Variants in NEDD1 observed in about 807,000 individuals in gnomAD.
The protein encoded by NEDD1 is NEDD1 gamma-tubulin ring complex targeting factor, also known as protein NEDD1.
In NEDD1, 33 loss-of-function variants were observed where a neutral mutation model predicts 74.0. The ratio of observed to expected loss-of-function variants is 0.45; its 90% confidence interval spans 0.34 to 0.60. The LOEUF is 0.60. NEDD1 is among the 20% of genes least tolerant of loss of function. The pLI, the probability that NEDD1 is intolerant of heterozygous loss-of-function variation, is 0.01. For synonymous variants in NEDD1, 250 were observed against 264.4 expected, an observed-to-expected ratio of 0.95 and a Z score of 0.53; for missense variants, 746 against 776.5, an observed-to-expected ratio of 0.96 and a Z score of 0.47.
rs74497074 is a variant in NEDD1, at chr12:96,917,617, A to G, written c.232-4A>G. 2 of 1,494,998 alleles carry G rather than the reference A, an allele frequency of 1.3e-6. No individual in the cohort carries two copies. The highest frequency in any genetic ancestry group is 2.5e-5 in the East Asian group (1 of 40,028). The allele number at this position is 1,494,998 out of a possible 1,614,324, so 92.6% of individuals were successfully genotyped here. A position where few individuals can be genotyped will look rare whatever the true frequency, so the allele number is the denominator to read the frequency against. ...AGGTAACTTTTTTTTTTTTTTTTAA[A>G]TAGCAAAAGCAGACATGTGTCAATT... On this transcript the variant is annotated splice_polypyrimidine_tract_variant and splice_region_variant and intron_variant, in intron 4 of 15. Transcript: ENST00000266742.
At chr12:96,919,799 T>C (rs1045774671) in intron 5 of NEDD1, among the ~76,000 whole-genome samples, 186 bp from the exon 6 acceptor site, 4 of 152,148 alleles carry the variant, frequency 2.6e-5, no homozygotes, top group African/African-American at 4.8e-5. Flanking sequence ...GTCCATAATC[T>C]CTCTCTCTCG....
Position 96,942,570 on chromosome 12 carries a change from G to C in NEDD1, c.1247-7G>C. 7.0e-7 allele frequency: 1 copy of C among 1,427,870 alleles called. No homozygotes were observed. The highest frequency in any genetic ancestry group is 9.9e-7 in the Non-Finnish European group (1 of 1,014,526). The allele number at this position is 1,427,870 out of a possible 1,614,324, so 88.5% of individuals were successfully genotyped here. A position where few individuals can be genotyped will look rare whatever the true frequency, so the allele number is the denominator to read the frequency against. On this transcript the variant is annotated splice_region_variant and splice_polypyrimidine_tract_variant and intron_variant, in intron 10 of 15. Coordinates refer to ENST00000266742, the MANE Select transcript of NEDD1 (RefSeq NM_152905.4). ...GTTTTAAAATTTGATTTTCTAATTT[G>C]TTATAGATGCTGTAGTTAACAAGGG... is the stretch of plus-strand genomic sequence containing the variant.
chr12:96,911,277 T>C (rs1386684270), intron 3 of NEDD1, among the ~76,000 whole-genome samples: 2 of 152,250 alleles, frequency 1.3e-5, no homozygotes, highest in Non-Finnish European at 2.9e-5. Context: ...GGTTGACTTT[T>C]GTTTTAAGTT....
chr12:96,946,049 A>G (rs895354361), intron 14 of NEDD1, among the ~76,000 whole-genome samples, 200 bp downstream of exon 14: 6 of 152,122 alleles, frequency 3.9e-5, no homozygotes, highest in Non-Finnish European at 5.9e-5. Context: ...ACATTTACCT[A>G]GGGCAATTAT....
At chr12:96,951,889 TA>T in intron 15 of NEDD1, 59 bp from the exon 16 acceptor site, 2 of 894,620 alleles carry the variant, frequency 2.2e-6, no homozygotes, top group South Asian at 1.4e-5. Context: ...ATATTAAACA[TA>T]GCCTGCCAAA....
chr12:96,948,106 T>C (rs1878371536), intron 14 of NEDD1, among the ~76,000 whole-genome samples: 2 of 152,166 alleles, frequency 1.3e-5, no homozygotes, highest in Admixed American at 1.3e-4. Context: ...CATCCTCCCG[T>C]GGCTGCCATC....
chr12:96,924,625 AAC>A (rs1372977465), intron 6 of NEDD1, among the ~76,000 whole-genome samples: 1 of 152,180 alleles, frequency 6.6e-6, no homozygotes, highest in Non-Finnish European at 1.5e-5. Context: ...TGTAGAGAGA[AAC>A]ACAGTTCATA....
chr12:96,910,361 C>A (rs1247345416), intron 3 of NEDD1, among the ~76,000 whole-genome samples: 1 of 152,192 alleles, frequency 6.6e-6, no homozygotes, highest in Non-Finnish European at 1.5e-5. Context: ...TGCCCAATAT[C>A]TCCATCTTAC....
At chr12:96,927,055 A>T (rs1007918754) in intron 6 of NEDD1, among the ~76,000 whole-genome samples, 9 of 152,104 alleles carry the variant, frequency 5.9e-5, no homozygotes, top group Non-Finnish European at 1.3e-4. Flanking sequence ...AAAAATTTCA[A>T]ATCTGTCAAA....
chr12:96,936,086 G>A (rs1302238989), intron 7 of NEDD1, among the ~76,000 whole-genome samples: 2 of 152,150 alleles, frequency 1.3e-5, no homozygotes, highest in African/African-American at 4.8e-5. Flanking sequence ...ATCACCATCC[G>A]TATTTCTTTA....
chr12:96,921,669 T>TTC (rs1002588640), intron 6 of NEDD1, among the ~76,000 whole-genome samples: 10 of 151,852 alleles, frequency 6.6e-5, no homozygotes, highest in African/African-American at 2.4e-4. Flanking sequence ...GGGATTTTTT[T>TTC]TTTTCTTTCT....
At chr12:96,944,847 C>G (rs1362890073) in intron 13 of NEDD1, 52 bp downstream of exon 13, 2 of 1,305,798 alleles carry the variant, frequency 1.5e-6, no homozygotes, top group African/African-American at 1.5e-5. Flanking sequence ...GAAAAATCAT[C>G]CCCATTATTT....
intron 5 of NEDD1, among the ~76,000 whole-genome samples, chr12:96,919,749 A>T (rs2136529601): frequency 6.6e-6 from 1 of 152,318 alleles, no homozygotes; most frequent in South Asian, 2.1e-4. Flanking sequence ...GAGGAAGTGA[A>T]TTCTTTAAGG....
In NEDD1 at chr12:96,942,610, T is replaced by A; in HGVS notation, c.1280T>A (p.Ile427Lys). 1 of 1,519,538 alleles carries A rather than the reference T, an allele frequency of 6.6e-7. No homozygotes were observed. Among genetic ancestry groups the A allele is most frequent in the Non-Finnish European group, 9.1e-7 (1 of 1,095,436 alleles). The allele number at this position is 1,519,538 out of a possible 1,614,324, so 94.1% of individuals were successfully genotyped here. Residue 427 changes from isoleucine (I) to lysine (K), a missense_variant, in exon 11 of 16, where the codon ATA becomes AAA. By Grantham distance (102) the Ile-to-Lys change is moderately radical. Around this residue, in one of 3 missense-constraint regions of NEDD1, gnomAD observed 706 missense variants for 706.7 expected, o/e 1.00. Coordinates refer to ENST00000266742, the MANE Select transcript of NEDD1 (RefSeq NM_152905.4). The stretch of plus-strand genomic sequence containing the variant: ...GTTAACAAGGGAAGTGATGAGTCCA[T>A]AGGCAAAGGAGATGGTAAGAACTAC... ...AVVNKGSDES[I>K]GKGDGFDFLP...
rs1158114872 is a variant in NEDD1, at chr12:96,937,360, G to C, written c.1084G>C (p.Gly362Arg). The change falls in exon 9 of 16, where the codon GGG becomes CGG. Residue 362 changes from glycine (G) to arginine (R), a missense_variant. Coordinates refer to ENST00000266742, the MANE Select transcript of NEDD1 (RefSeq NM_152905.4). Reference sequence around the variant, plus strand: ...ACCACAACCTATGACATCAGCTATGGGGAAAGGAACAGTTGCTGTTCAAGA... The same window carrying C: ...ACCACAACCTATGACATCAGCTATGCGGAAAGGAACAGTTGCTGTTCAAGA... The part of the protein sequence containing the change: ...VLPQPMTSAM[G>R]KGTVAVQEKA... 4 of 1,608,054 alleles carry C rather than the reference G, an allele frequency of 2.5e-6. No individual in the cohort carries two copies. The highest frequency in any genetic ancestry group is 2.5e-6 in the Non-Finnish European group (3 of 1,177,008).
Position 96,939,548 on chromosome 12 carries a change from T to A in NEDD1, c.1118-861T>A, listed in dbSNP as rs11830956. 7.2e-3 allele frequency among the ~76,000 whole-genome samples: 1,103 copies of A among 152,168 alleles called. 13 individuals carry two copies. The highest frequency in any genetic ancestry group is 0.024 in the African/African-American group (1,014 of 41,544). ...CATCTCAGACTTTTCAGTTTTTCAT[T>A]TGGGCCTGAGATGCCAAATAAAGCA... On this transcript the variant is annotated intron_variant, in intron 9 of 15. Coordinates refer to ENST00000266742, the MANE Select transcript of NEDD1 (RefSeq NM_152905.4).
At chr12:96,930,191 ACACACACACACACACACACACT>A (rs1481169978) in intron 6 of NEDD1, among the ~76,000 whole-genome samples, 106 of 74,864 alleles carry the variant, frequency 1.4e-3, no homozygotes, top group Middle Eastern at 6.6e-3. Context: ...ACACACACAC[ACACACACACACACACACACACT>A]CTCTCTCTCT....
intron 6 of NEDD1, among the ~76,000 whole-genome samples, chr12:96,933,620 T>C (rs1876777507): frequency 6.6e-6 from 1 of 152,118 alleles, no homozygotes; most frequent in African/African-American, 2.4e-5. Flanking sequence ...GGTTAACATA[T>C]TAATTGTCTT....
At chr12:96,915,420 G>A (rs543133838) in intron 4 of NEDD1, among the ~76,000 whole-genome samples, 1 of 152,308 alleles carries the variant, frequency 6.6e-6, no homozygotes, top group East Asian at 1.9e-4. Flanking sequence ...AATCTCTTTT[G>A]AGCAGAGGAT....
Sources: gnomAD v4.1 joint callset for allele counts (sites outside exome capture counted in the v4.1 genomes callset) on GRCh38, gnomAD v4.1.1 for gene constraint, gnomAD v4.1.1 regional missense constraint, MANE v1.5 for transcripts, NCBI Gene and HGNC (gene_info 2026-07-23, HGNC 2026-07-21) for gene names.